The following SOX5 variants were observed in gnomAD, a reference collection of about 807,000 sequenced individuals.
SOX5 encodes the protein transcription factor SOX-5.
Under a neutral mutation model 92.0 loss-of-function variants are expected in SOX5, and 9 were observed. That is an observed-to-expected ratio of 0.10 (90% confidence interval 0.06 to 0.17). The LOEUF (loss-of-function observed/expected upper bound fraction) is 0.17, where lower values mean the gene tolerates loss of function less well. Ranked by LOEUF, SOX5 falls within the 10% of genes least tolerant of loss-of-function variation. SOX5 has a pLI of 1.00. For missense variants in SOX5, 642 were observed against 944.5 expected, an observed-to-expected ratio of 0.68 and a Z score of 4.20; for synonymous variants, 344 against 336.3, an observed-to-expected ratio of 1.02 and a Z score of -0.25.
chr12:24,019,219 T>TC, intron 4 of SOX5, among the ~76,000 whole-genome samples: 1 of 152,146 alleles, frequency 6.6e-6, no homozygotes. Flanking sequence ...CAAGTGATCC[T>TC]CCTTTGGCTT....
intron 4 of SOX5, among the ~76,000 whole-genome samples, chr12:24,196,991 A>G (rs970952305): frequency 6.6e-6 from 1 of 152,182 alleles, no homozygotes; most frequent in African/African-American, 2.4e-5. Context: ...AGTTAAAAAC[A>G]TACTTCTTCC....
intron 1 of SOX5, among the ~76,000 whole-genome samples, chr12:23,943,426 T>C (rs967436109): frequency 9.2e-5 from 14 of 152,054 alleles, no homozygotes; most frequent in African/African-American, 3.1e-4. Flanking sequence ...TGTCTCCAGA[T>C]AAAAATTCAT....
chr12:23,935,828 A>C (rs1942424326), intron 1 of SOX5, among the ~76,000 whole-genome samples: 1 of 151,198 alleles, frequency 6.6e-6, no homozygotes, highest in South Asian at 2.1e-4. Context: ...TAAATAAAGA[A>C]ATATCTGCCA....
chr12:23,582,148 T>C (rs1447028296), intron 9 of SOX5: 1 of 985,148 alleles, frequency 1.0e-6, no homozygotes, highest in Non-Finnish European at 1.2e-6. Flanking sequence ...TAATGTGCAC[T>C]GTTGCCGCAC....
At chr12:24,259,684 T>C (rs1011133720) in intron 3 of SOX5, among the ~76,000 whole-genome samples, 5 of 152,192 alleles carry the variant, frequency 3.3e-5, no homozygotes, top group Non-Finnish European at 7.4e-5. Context: ...GTATTATAGG[T>C]GTCCAACAAT....
chr12:23,988,964 T>A (rs1034921301), intron 4 of SOX5, among the ~76,000 whole-genome samples: 6 of 152,156 alleles, frequency 3.9e-5, no homozygotes, highest in African/African-American at 1.4e-4. Flanking sequence ...TAGAGTTATA[T>A]GATGTGCCAG....
At chr12:24,203,407 A>G (rs1329809652) in intron 4 of SOX5, among the ~76,000 whole-genome samples, 3 of 152,224 alleles carry the variant, frequency 2.0e-5, no homozygotes, top group Non-Finnish European at 4.4e-5. Flanking sequence ...TTAGAAACCA[A>G]GAACTAGGTA....
intron 3 of SOX5, 57 bp from the exon 4 acceptor site, chr12:23,755,781 T>A (rs2094348173): frequency 8.9e-7 from 1 of 1,120,842 alleles, no homozygotes; most frequent in African/African-American, 1.7e-5. Context: ...ACAATGGAGC[T>A]CATTAAAAGT....
At chr12:24,143,968 G>A (rs1409209190) in intron 4 of SOX5, among the ~76,000 whole-genome samples, 1 of 151,336 alleles carries the variant, frequency 6.6e-6, no homozygotes, top group Non-Finnish European at 1.5e-5. Context: ...ACAGATAAAA[G>A]AAAGTTCTTA....
chr12:24,047,736 C>A (rs948328963), intron 4 of SOX5, among the ~76,000 whole-genome samples: 4 of 152,178 alleles, frequency 2.6e-5, no homozygotes, highest in Non-Finnish European at 5.9e-5. Context: ...CTGCCTTTAC[C>A]TGTCAATTTC....
chr12:23,756,883 C>T (rs1195980349), intron 3 of SOX5, among the ~76,000 whole-genome samples: 2 of 151,838 alleles, frequency 1.3e-5, no homozygotes, highest in Non-Finnish European at 2.9e-5. Flanking sequence ...CAGTAAGATG[C>T]ATTTTAGAGA....
At chr12:23,599,999 C>T (rs1953172260) in intron 9 of SOX5, among the ~76,000 whole-genome samples, 1 of 152,138 alleles carries the variant, frequency 6.6e-6, no homozygotes, top group Admixed American at 6.5e-5. Flanking sequence ...TTGCTGAATA[C>T]ATTGCATATT....
At chr12:23,966,204 A>C (rs1316660558) in intron 4 of SOX5, among the ~76,000 whole-genome samples, 1 of 9,998 alleles carries the variant, frequency 1.0e-4, no homozygotes, top group Non-Finnish European at 1.8e-4. Context: ...CTCAATATCC[A>C]AAAAAAAAAA....
intron 6 of SOX5, among the ~76,000 whole-genome samples, chr12:23,707,595 A>G (rs1000903504): frequency 6.6e-6 from 1 of 152,202 alleles, no homozygotes; most frequent in Non-Finnish European, 1.5e-5. Context: ...ATTTAAAAAT[A>G]TCATAATTTA....
chr12:24,546,847 C>T (rs1332762776), intron 1 of SOX5, among the ~76,000 whole-genome samples: 2 of 152,190 alleles, frequency 1.3e-5, no homozygotes, highest in Admixed American at 1.3e-4. Flanking sequence ...CTGGATATGC[C>T]ACATACCCAG....
chr12:23,670,805 C>A (rs1251956147), intron 6 of SOX5, among the ~76,000 whole-genome samples: 1 of 49,744 alleles, frequency 2.0e-5, no homozygotes, highest in Non-Finnish European at 3.8e-5. Flanking sequence ...AAAGAGCAAG[C>A]AAAACCACAG....
chr12:24,134,180 G>T (rs895650467), intron 4 of SOX5, among the ~76,000 whole-genome samples: 1 of 151,942 alleles, frequency 6.6e-6, no homozygotes. Context: ...TTTCAGCTGT[G>T]GTATCCATTT....
intron 1 of SOX5, among the ~76,000 whole-genome samples, chr12:23,937,355 T>C (rs1386128030): frequency 6.6e-6 from 1 of 150,936 alleles, no homozygotes; most frequent in Admixed American, 6.6e-5. Context: ...CCCTCACCTT[T>C]AGGTAAATGA....
intron 2 of SOX5, among the ~76,000 whole-genome samples, chr12:23,880,789 C>A (rs532815324): frequency 6.6e-6 from 1 of 152,032 alleles, no homozygotes; most frequent in Non-Finnish European, 1.5e-5. Flanking sequence ...GCAAATCTTA[C>A]GGAAAGCAAA....
Sources: allele counts gnomAD v4.1 joint callset (sites outside exome capture counted in the v4.1 genomes callset), GRCh38; gene constraint gnomAD v4.1.1; transcripts MANE v1.5; gene names NCBI Gene and HGNC (gene_info 2026-07-23, HGNC 2026-07-21).